Variants in ACAT1 observed in about 807,000 individuals in gnomAD.
The protein encoded by ACAT1 is acetyl-CoA acetyltransferase, mitochondrial.
A neutral mutation model predicts 47.3 loss-of-function variants in ACAT1; 28 were observed. The ratio of observed to expected loss-of-function variants is 0.59; its 90% confidence interval spans 0.44 to 0.81. The LOEUF is 0.81. ACAT1 is among the 30% of genes least tolerant of loss of function. The probability of loss-of-function intolerance (pLI) is 0.00; values close to 1 mark genes in which losing one functional copy is unlikely to be tolerated. For missense variants in ACAT1, 469 were observed against 524.3 expected, an observed-to-expected ratio of 0.89 and a Z score of 1.03; for synonymous variants, 181 against 173.6, an observed-to-expected ratio of 1.04 and a Z score of -0.34.
chr11:108,146,188 T>C lies in ACAT1; in HGVS notation c.1006-14T>C, dbSNP rs1418616288. The stretch of plus-strand genomic sequence containing the variant: ...TAATTATTTGAACATCATCTGTCTT[T>C]TAAAAAATTTAAGGTTCTTAAAGAT... On this transcript the variant is annotated splice_polypyrimidine_tract_variant and intron_variant, in intron 10 of 11. Transcript: ENST00000265838. The C allele has an allele frequency of 1.3e-6, 2 of 1,593,136 alleles. No individual in the cohort carries two copies. The highest frequency in any genetic ancestry group is 1.7e-6 in the Non-Finnish European group (2 of 1,162,042).
chr11:108,146,444 G>T (rs1414524311), intron 11 of ACAT1, 85 bp downstream of exon 11: 13 of 1,508,490 alleles, frequency 8.6e-6, no homozygotes, highest in Non-Finnish European at 1.2e-5. Flanking sequence ...AATTCCCATT[G>T]CTCTTAAGTT....
intron 1 of ACAT1, 83 bp downstream of exon 1, chr11:108,121,761 C>A (rs2077153761): frequency 2.0e-6 from 3 of 1,465,652 alleles, no homozygotes; most frequent in Admixed American, 2.0e-5. Flanking sequence ...GCGGCCGTTG[C>A]GGCTCCCGCG....
At chr11:108,117,867 A>T (rs1864982851), upstream of ACAT1, among the ~76,000 whole-genome samples, 1 of 152,084 alleles carries the variant, frequency 6.6e-6, no homozygotes, top group Non-Finnish European at 1.5e-5. Flanking sequence ...CTAGAAAGCC[A>T]CTCTGGGTCT....
chr11:108,121,657 C>T lies in ACAT1; in HGVS notation c.51C>T (p.Pro17=). 6.5e-7 allele frequency: 1 copy of T among 1,549,672 alleles called. No individual in the cohort carries two copies. Among genetic ancestry groups the T allele is most frequent in the Non-Finnish European group, 8.7e-7 (1 of 1,147,260 alleles). Residue 17 remains proline, a synonymous_variant, in exon 1 of 12, where the codon CCC becomes CCT. Coordinates refer to ENST00000265838, the MANE Select transcript of ACAT1 (RefSeq NM_000019.4). ...LLRSGARSRS[P]LLRRLVQEIR... is the part of the protein sequence containing the mutation. ...GCAGCGGCGCCCGCAGCCGCAGCCC[C>T]CTGCTCCGGAGGCTGGTGCAGGTGA...
Position 108,132,853 on chromosome 11 carries a change from C to CAAAAAAAAA in ACAT1, c.120+919_120+927dup, listed in dbSNP as rs57501370. Among the ~76,000 whole-genome samples, 86 of 47,874 alleles carry CAAAAAAAAA rather than the reference C, an allele frequency of 1.8e-3. 1 individual carries two copies. The highest frequency in any genetic ancestry group is 2.6e-3 in the South Asian group (2 of 772). 31.4% of individuals were successfully genotyped at this position (47,874 alleles called of 152,430 possible). On this transcript the variant is annotated intron_variant, in intron 2 of 11. Transcript: ENST00000265838. Reference sequence around the variant, plus strand: ...TGGGCAACAGAGCAAAACTCCATCTCAAAAAAAAAAAAAAAAAAAAAAAAA... The same window carrying CAAAAAAAAA: ...TGGGCAACAGAGCAAAACTCCATCTCAAAAAAAAAAAAAAAAAAAAAAAAAAAAAAAAAA...
chr11:108,146,297 G>A lies in ACAT1; in HGVS notation c.1101G>A (p.Leu367=), dbSNP rs778512952. 4 of 1,613,902 alleles carry A rather than the reference G, an allele frequency of 2.5e-6. No homozygotes were observed. Among genetic ancestry groups the A allele is most frequent in the Admixed American group, 1.7e-5 (1 of 60,014 alleles). ...TTGTACTAGCAAACATTAAAATGTT[G>A]GAGATTGATCCCCAAAAAGTGAATA... ...SLVVLANIKM[L]EIDPQKVNIN... is the part of the protein sequence containing the mutation. Residue 367 remains leucine, a synonymous_variant, in exon 11 of 12, where the codon TTG becomes TTA. Coordinates refer to ENST00000265838, the MANE Select transcript of ACAT1 (RefSeq NM_000019.4).
rs746332363 is a variant in ACAT1 at position 108,147,295 on chromosome 11, C to G, written c.1189C>G (p.His397Asp). The change falls in exon 12 of 12, where the codon CAT (histidine) becomes GAT (aspartate). Residue 397 changes from histidine to aspartate, a missense_variant. Transcript: ENST00000265838. ...GATGTCTGGAGCCAGGATTGTTGGTCATTTGACTCATGCCTTGAAGCAAGG... is the reference window on the plus strand; with the variant it reads ...GATGTCTGGAGCCAGGATTGTTGGTGATTTGACTCATGCCTTGAAGCAAGG... ...IGMSGARIVGHLTHALKQGEY... is the reference protein window; with the variant it reads ...IGMSGARIVGDLTHALKQGEY... 1 of 1,613,796 alleles carries G rather than the reference C, an allele frequency of 6.2e-7. No individual in the cohort carries two copies. Among genetic ancestry groups the G allele is most frequent in the Non-Finnish European group, 8.5e-7 (1 of 1,179,868 alleles).
intron 5 of ACAT1, chr11:108,136,844 AGCTT>A (rs1168116654): frequency 1.3e-5 from 2 of 152,216 alleles, no homozygotes; most frequent in African/African-American, 2.4e-5. Flanking sequence ...TTTGGTATAG[AGCTT>A]GCTTGTCTGT....
chr11:108,139,962 T>C (rs2077554103), intron 6 of ACAT1, 103 bp from the exon 7 acceptor site: 1 of 1,413,186 alleles, frequency 7.1e-7, no homozygotes, highest in African/African-American at 1.4e-5. Flanking sequence ...AAGAAATATA[T>C]TTTAAGAAAC....
At chr11:108,133,109 C>T (rs957277926) in intron 2 of ACAT1, among the ~76,000 whole-genome samples, 6 of 151,966 alleles carry the variant, frequency 3.9e-5, no homozygotes, top group African/African-American at 1.2e-4. Context: ...CACTTGAACC[C>T]GGGAGGCAGA....
chr11:108,136,602 T>G (rs1189203165), intron 5 of ACAT1: 1 of 152,384 alleles, frequency 6.6e-6, no homozygotes, highest in East Asian at 1.9e-4. Context: ...AATATTATTT[T>G]ATTCATTTGT....
chr11:108,143,391 T>A (rs1172785414), intron 9 of ACAT1: 1 of 152,120 alleles, frequency 6.6e-6, no homozygotes, highest in Non-Finnish European at 1.5e-5. Flanking sequence ...AAAAAAAGAA[T>A]ATGGGATTAG....
intron 5 of ACAT1, chr11:108,136,752 T>C (rs1230458571): frequency 6.6e-6 from 1 of 152,200 alleles, no homozygotes; most frequent in East Asian, 1.9e-4. Flanking sequence ...TCACCCCCAG[T>C]AAAAAGTACA....
At chr11:108,126,191 C>T (rs749942327) in intron 1 of ACAT1, among the ~76,000 whole-genome samples, 8 of 152,148 alleles carry the variant, frequency 5.3e-5, no homozygotes, top group South Asian at 2.1e-4. Flanking sequence ...TTAGTAGACA[C>T]GGGGTTTCAC....
upstream of ACAT1, among the ~76,000 whole-genome samples, chr11:108,120,835 G>A (rs952391861): frequency 6.6e-6 from 1 of 152,000 alleles, no homozygotes; most frequent in African/African-American, 2.4e-5. Flanking sequence ...GAGTCTGGCC[G>A]TCTGCTTGAG....
intron 7 of ACAT1, 106 bp downstream of exon 7, chr11:108,140,321 T>C (rs1409796959): frequency 5.9e-6 from 8 of 1,364,332 alleles, no homozygotes; most frequent in Non-Finnish European, 8.3e-6. Context: ...CAACTGCTTA[T>C]GGTTAATAAA....
intron 10 of ACAT1, 49 bp downstream of exon 10, chr11:108,144,096 G>C (rs572620810): frequency 6.3e-7 from 1 of 1,579,312 alleles, no homozygotes; most frequent in Non-Finnish European, 8.7e-7. Context: ...CTTCTGGTTT[G>C]CTTATACCAA....
rs1591370366 is a variant in ACAT1 at position 108,141,705 on chromosome 11, G to T, written c.826+5G>T. ...CAGTTTTCCAGAAAGAAAATGGTTA[G>T]TGTTAAGAAATGAAGCATAAGAAAA... On this transcript the variant is annotated splice_donor_5th_base_variant and intron_variant, in intron 8 of 11. Transcript: ENST00000265838. 6.2e-7 allele frequency: 1 copy of T among 1,605,576 alleles called. No homozygotes were observed. The highest frequency in any genetic ancestry group is 8.5e-7 in the Non-Finnish European group (1 of 1,172,730).
chr11:108,131,372 T>TTA (rs1555031491), intron 1 of ACAT1, among the ~76,000 whole-genome samples: 8 of 142,360 alleles, frequency 5.6e-5, no homozygotes, highest in African/African-American at 1.8e-4. Flanking sequence ...TTTTTTTTTT[T>TTA]AGACAGTCTT....
Sources: allele counts gnomAD v4.1 joint callset (sites outside exome capture counted in the v4.1 genomes callset), GRCh38; gene constraint gnomAD v4.1.1; transcripts MANE v1.5; gene names NCBI Gene and HGNC (gene_info 2026-07-23, HGNC 2026-07-21).